Variants in ABLIM2 observed in about 807,000 individuals in gnomAD.
ABLIM2 encodes actin binding LIM protein family member 2.
A neutral mutation model predicts 97.7 loss-of-function variants in ABLIM2; 53 were observed. The ratio of observed to expected loss-of-function variants is 0.54; its 90% CI spans 0.44 to 0.68. ABLIM2 has a LOEUF of 0.68. Ranked by LOEUF, ABLIM2 falls within the 30% of genes least tolerant of loss-of-function variation. The pLI is 0.00. For missense variants in ABLIM2, 835 were observed against 867.2 expected, an observed-to-expected ratio of 0.96 and a Z score of 0.47; for synonymous variants, 361 against 345.8, an observed-to-expected ratio of 1.04 and a Z score of -0.49.
At chr4:8,146,866 C>A (rs1226408325) in intron 1 of ABLIM2, among the ~76,000 whole-genome samples, 3 of 151,954 alleles carry the variant, frequency 2.0e-5, no homozygotes. Context: ...ATTTCGAATA[C>A]AATAAATATC....
At chr4:8,096,892 A>G (rs1426019409) in intron 3 of ABLIM2, among the ~76,000 whole-genome samples, 1 of 152,164 alleles carries the variant, frequency 6.6e-6, no homozygotes, top group African/African-American at 2.4e-5. Context: ...GGGGCAGCCC[A>G]CCCCTGCCCT....
At chr4:7,995,445 T>C (rs1453884245) in intron 16 of ABLIM2, among the ~76,000 whole-genome samples, 1 of 152,202 alleles carries the variant, frequency 6.6e-6, no homozygotes, top group African/African-American at 2.4e-5. Flanking sequence ...GCAGGTTCTG[T>C]GCACAGAACT....
intron 4 of ABLIM2, among the ~76,000 whole-genome samples, chr4:8,081,545 G>C (rs376843587): frequency 6.6e-6 from 1 of 152,232 alleles, no homozygotes; most frequent in African/African-American, 2.4e-5. Flanking sequence ...GGTGGAGCAG[G>C]CTGGGGAGCT....
rs1488858815 is a variant in ABLIM2, at chr4:8,004,442, T to A, written c.1618+3617A>T. 6.6e-6 allele frequency among the ~76,000 whole-genome samples: 1 copy of A among 152,074 alleles called. No homozygotes were observed. The highest frequency in any genetic ancestry group is 1.9e-4 in the East Asian group (1 of 5,172). On this transcript the variant is annotated intron_variant, in intron 16 of 20. Coordinates refer to ENST00000447017, the MANE Select transcript of ABLIM2 (RefSeq NM_001130083.2). The surrounding 1 kb of genome is among the most constrained non-coding windows in gnomAD (Gnocchi z 5.9). ...CTCACACATGCCTCATGTGCTGGGA[T>A]TGGAGGAAAGGGTCTTATTCCCTTC...
intron 16 of ABLIM2, among the ~76,000 whole-genome samples, chr4:8,000,170 G>A (rs1447896608): frequency 6.6e-6 from 1 of 152,134 alleles, no homozygotes; most frequent in African/African-American, 2.4e-5. Context: ...CTTCATCCCT[G>A]AGCAGTGGTG....
Position 8,082,803 on chromosome 4 carries a change from A to C in ABLIM2, c.455-2001T>G, listed in dbSNP as rs1820764383. On this transcript the variant is annotated intron_variant, in intron 4 of 20. Transcript: ENST00000447017. The surrounding 1 kb of genome is among the most constrained non-coding windows in gnomAD (Gnocchi z 5.6). ...GGATGCCTCCGCCCTTCTCAAGTCC[A>C]GGAGGCGACCCCCACATCACCCAAT... Among the ~76,000 whole-genome samples, 2 of 152,198 alleles carry C rather than the reference A, an allele frequency of 1.3e-5. 1 individual carries two copies. Among genetic ancestry groups the C allele is most frequent in the South Asian group, 4.1e-4 (2 of 4,836 alleles).
intron 2 of ABLIM2, among the ~76,000 whole-genome samples, chr4:8,105,487 T>C (rs758600599): frequency 6.6e-6 from 1 of 152,192 alleles, no homozygotes; most frequent in African/African-American, 2.4e-5. Flanking sequence ...AGCCATTGGA[T>C]GGGGGCCGTG....
At chr4:8,027,642 A>G (rs1778242272) in intron 12 of ABLIM2, 117 bp downstream of exon 12, 4 of 720,730 alleles carry the variant, frequency 5.5e-6, no homozygotes, top group Non-Finnish European at 8.5e-6. Flanking sequence ...AGAGAGGGGC[A>G]CAGGGCATGA....
At chr4:7,976,611 A>T (rs1047668702) in intron 20 of ABLIM2, among the ~76,000 whole-genome samples, 1 of 152,056 alleles carries the variant, frequency 6.6e-6, no homozygotes, top group African/African-American at 2.4e-5. Flanking sequence ...TTGCACGGGT[A>T]CTTTGTTGTT....
chr4:7,985,983 G>A (rs1157179592), intron 17 of ABLIM2, among the ~76,000 whole-genome samples: 1 of 152,228 alleles, frequency 6.6e-6, no homozygotes, highest in Non-Finnish European at 1.5e-5. Context: ...CCCGGGGTTC[G>A]CACTATGAGC....
chr4:8,066,997 C>T (rs1180460179), intron 6 of ABLIM2: 1 of 152,216 alleles, frequency 6.6e-6, no homozygotes, highest in Admixed American at 6.5e-5. Flanking sequence ...GCTCTGCCTG[C>T]CTCAAGTTCA....
At chr4:7,984,030 C>A (rs35656451) in intron 18 of ABLIM2, among the ~76,000 whole-genome samples, 15,491 of 151,732 alleles carry the variant, frequency 0.1, 988 homozygotes, top group Non-Finnish European at 0.15. Context: ...TGAGCTCTGC[C>A]CCCTAATGTC....
intron 6 of ABLIM2, among the ~76,000 whole-genome samples, chr4:8,064,863 G>A (rs1003900520): frequency 6.6e-6 from 1 of 152,150 alleles, no homozygotes; most frequent in African/African-American, 2.4e-5. Flanking sequence ...AGATGCACAG[G>A]TATAATTCAC....
intron 8 of ABLIM2, among the ~76,000 whole-genome samples, chr4:8,045,646 C>CAATG (rs554590452): frequency 7.7e-4 from 117 of 152,070 alleles, no homozygotes; most frequent in Admixed American, 1.6e-3. Flanking sequence ...GACTCCATCT[C>CAATG]AATGAATGAA....
Position 8,071,948 on chromosome 4 carries a change from A to G in ABLIM2, c.675+5680T>C, listed in dbSNP as rs1449207884. ...GGGGCACCGGCACACTGGGCCGAGC[A>G]TCAGGCAGTGCCACCGCGGCGGCGG... On this transcript the variant is annotated intron_variant, in intron 6 of 20. Transcript: ENST00000447017. This position sits in a 1 kb window ranked among gnomAD's most constrained non-coding sequence, Gnocchi z 6.2. 1.0e-6 allele frequency: 1 copy of G among 985,362 alleles called. No individual in the cohort carries two copies. Among genetic ancestry groups the G allele is most frequent in the Non-Finnish European group, 1.2e-6 (1 of 830,012 alleles). 61.0% of individuals were successfully genotyped at this position (985,362 alleles called of 1,614,324 possible).
intron 16 of ABLIM2, chr4:8,007,030 T>C: frequency 1.0e-6 from 1 of 985,456 alleles, no homozygotes; most frequent in Non-Finnish European, 1.2e-6. Flanking sequence ...ACACCTTTCT[T>C]TGTTTAAAGT....
At chr4:8,096,143 G>T (rs1223572031) in intron 3 of ABLIM2, among the ~76,000 whole-genome samples, 2 of 152,246 alleles carry the variant, frequency 1.3e-5, no homozygotes. Flanking sequence ...GAAGGAAGCT[G>T]GGGCAATCAC....
At chr4:8,154,281 CTTTTTTT>C (rs34112937) in intron 1 of ABLIM2, among the ~76,000 whole-genome samples, 9 of 114,530 alleles carry the variant, frequency 7.9e-5, no homozygotes, top group African/African-American at 2.1e-4. Flanking sequence ...CTTTTCTTTT[CTTTTTTT>C]TTTTTTTTTT....
intron 12 of ABLIM2, among the ~76,000 whole-genome samples, chr4:8,025,849 C>T (rs567582245): frequency 2.2e-4 from 34 of 152,272 alleles, no homozygotes; most frequent in African/African-American, 7.7e-4. Context: ...ACAGGAGAAG[C>T]GGCATCTCCT....
Sources: allele counts gnomAD v4.1 joint callset (sites outside exome capture counted in the v4.1 genomes callset), GRCh38; gene constraint gnomAD v4.1.1; non-coding constraint Gnocchi (gnomAD v3.1); transcripts MANE v1.5; gene names NCBI Gene and HGNC (gene_info 2026-07-23, HGNC 2026-07-21).